PRKAR1B: variants seen among roughly 807,000 people sequenced by gnomAD.
PRKAR1B encodes protein kinase cAMP-dependent type I regulatory subunit beta, also known as cAMP-dependent protein kinase type I-beta regulatory subunit.
A neutral mutation model predicts 46.5 loss-of-function variants in PRKAR1B; 22 were observed. That is an observed-to-expected ratio of 0.47 (90% confidence interval 0.34 to 0.68). The LOEUF (loss-of-function observed/expected upper bound fraction) is 0.68, where lower values mean the gene tolerates loss of function less well. Among genes scored for constraint, PRKAR1B ranks in the 30% least tolerant of loss-of-function variants. The probability of loss-of-function intolerance (pLI) is 0.01; values close to 1 mark genes in which losing one functional copy is unlikely to be tolerated. For synonymous variants in PRKAR1B, 259 were observed against 217.7 expected, an observed-to-expected ratio of 1.19 and a Z score of -1.67; for missense variants, 445 against 535.6, an observed-to-expected ratio of 0.83 and a Z score of 1.67.
chr7:719,139 A>G (rs982928414), intron 1 of PRKAR1B, among the ~76,000 whole-genome samples: 3 of 152,116 alleles, frequency 2.0e-5, no homozygotes, highest in African/African-American at 7.2e-5. Flanking sequence ...TCCCAGGCTT[A>G]AGCAATTCTC....
In PRKAR1B at chr7:666,119, C is replaced by T. The variant is rs941146562; in HGVS notation, c.440+11110G>A. On this transcript the variant is annotated intron_variant, in intron 4 of 10. Coordinates refer to ENST00000537384, the MANE Select transcript of PRKAR1B (RefSeq NM_001164760.2). The surrounding 1 kb of genome is among the most constrained non-coding windows in gnomAD (Gnocchi z 4.9). ...CCCAATTATCACGTTTCTCGGCTCC[C>T]AGGAGCTCAGCGATGCTCCCCCTAC... Among the ~76,000 whole-genome samples the T allele has an allele frequency of 6.6e-6, 1 of 152,204 alleles. No homozygotes were observed. Among genetic ancestry groups the T allele is most frequent in the Non-Finnish European group, 1.5e-5 (1 of 68,022 alleles).
chr7:723,292 T>C (rs1781136446), intron 1 of PRKAR1B, among the ~76,000 whole-genome samples: 1 of 152,206 alleles, frequency 6.6e-6, no homozygotes, highest in African/African-American at 2.4e-5. Flanking sequence ...TAGGTCTCTG[T>C]TGGGCGTCCC....
At chr7:659,628 G>A (rs935918700) in intron 4 of PRKAR1B, among the ~76,000 whole-genome samples, 6 of 152,178 alleles carry the variant, frequency 3.9e-5, no homozygotes, top group African/African-American at 9.7e-5. Context: ...ACCCCAGGCC[G>A]CGACCATGGA....
At chr7:665,392 G>A (rs1046052400) in intron 4 of PRKAR1B, among the ~76,000 whole-genome samples, 2 of 152,138 alleles carry the variant, frequency 1.3e-5, no homozygotes, top group African/African-American at 4.8e-5. Flanking sequence ...CAGCCTCGGG[G>A]GCCACGGGGG....
intron 3 of PRKAR1B, among the ~76,000 whole-genome samples, chr7:679,931 G>A (rs958120098): frequency 6.6e-6 from 1 of 152,010 alleles, no homozygotes; most frequent in African/African-American, 2.4e-5. Flanking sequence ...GGCCAAGACG[G>A]GCATATCACA....
At chr7:645,306 G>A (rs1784569752) in intron 4 of PRKAR1B, among the ~76,000 whole-genome samples, 1 of 152,162 alleles carries the variant, frequency 6.6e-6, no homozygotes. Flanking sequence ...GAGCCAGGCT[G>A]CAATGCTTCT....
intron 8 of PRKAR1B, among the ~76,000 whole-genome samples, chr7:582,257 G>A (rs1423097871): frequency 6.6e-6 from 1 of 152,230 alleles, no homozygotes; most frequent in Non-Finnish European, 1.5e-5. Context: ...CCTGTCCTAG[G>A]GGCCGAGCCC....
chr7:558,612 C>T (rs1778596141), intron 9 of PRKAR1B, among the ~76,000 whole-genome samples: 1 of 151,748 alleles, frequency 6.6e-6, no homozygotes, highest in Non-Finnish European at 1.5e-5. Flanking sequence ...AAAAATTAGC[C>T]AGGCGTGGTG....
At chr7:609,672 T>G (rs1562560592) in intron 4 of PRKAR1B, among the ~76,000 whole-genome samples, 2 of 152,256 alleles carry the variant, frequency 1.3e-5, no homozygotes, top group South Asian at 2.1e-4. Context: ...TGACCCATAT[T>G]TTCTGAAATG....
At chr7:613,674 A>T (rs1782649460) in intron 4 of PRKAR1B, among the ~76,000 whole-genome samples, 1 of 152,070 alleles carries the variant, frequency 6.6e-6, no homozygotes, top group Non-Finnish European at 1.5e-5. Context: ...TCCCACTACG[A>T]GGGCCCACCG....
At chr7:575,690 C>G (rs550254066) in intron 9 of PRKAR1B, among the ~76,000 whole-genome samples, 1 of 152,100 alleles carries the variant, frequency 6.6e-6, no homozygotes, top group African/African-American at 2.4e-5. Flanking sequence ...GGACTACAGG[C>G]GTGCACCACC....
intron 4 of PRKAR1B, among the ~76,000 whole-genome samples, chr7:663,027 C>G (rs1028766893): frequency 8.5e-5 from 13 of 152,088 alleles, no homozygotes; most frequent in Admixed American, 8.5e-4. Context: ...TGAAAGAGGC[C>G]CCAAGACACT....
At chr7:681,752 C>T (rs1026659655) in intron 2 of PRKAR1B, among the ~76,000 whole-genome samples, 12 of 152,328 alleles carry the variant, frequency 7.9e-5, no homozygotes, top group Admixed American at 5.2e-4. Flanking sequence ...ACAAGTGCTT[C>T]GACCACTGTC....
At chr7:679,866 G>A (rs1232051132) in intron 3 of PRKAR1B, among the ~76,000 whole-genome samples, 1 of 152,106 alleles carries the variant, frequency 6.6e-6, no homozygotes, top group Admixed American at 6.5e-5. Context: ...TGTATAAGAA[G>A]AGACCAGAGA....
At position 590,442 on chromosome 7, in the gene PRKAR1B, G is replaced by A. The variant is rs1260718459; in HGVS notation, c.708+5704C>T. 2.0e-5 allele frequency among the ~76,000 whole-genome samples: 3 copies of A among 152,216 alleles called. 1 individual carries two copies. The highest frequency in any genetic ancestry group is 1.5e-5 in the Non-Finnish European group (1 of 68,030). On this transcript the variant is annotated intron_variant, in intron 7 of 10. Transcript: ENST00000537384. Reference sequence around the variant, plus strand: ...CCAACGTGTGGCCCTCGCGTGCCCAGTCCAGGGGACCAAGAGACCAGCAGG... The same window carrying A: ...CCAACGTGTGGCCCTCGCGTGCCCAATCCAGGGGACCAAGAGACCAGCAGG...
intron 9 of PRKAR1B, among the ~76,000 whole-genome samples, chr7:566,424 C>T (rs1779145154): frequency 6.6e-6 from 1 of 151,838 alleles, no homozygotes; most frequent in African/African-American, 2.4e-5. Context: ...TTATCACCAT[C>T]ACCACCATCA....
chr7:726,047 G>A (rs1432675717), intron 1 of PRKAR1B, among the ~76,000 whole-genome samples: 2 of 151,888 alleles, frequency 1.3e-5, no homozygotes, highest in African/African-American at 4.8e-5. Context: ...GAGCAATAAA[G>A]CTCCAGTGTC....
At chr7:592,573 G>A (rs1781041783) in intron 7 of PRKAR1B, among the ~76,000 whole-genome samples, 1 of 152,240 alleles carries the variant, frequency 6.6e-6, no homozygotes, top group Non-Finnish European at 1.5e-5. Flanking sequence ...CTGAGGGGCG[G>A]GGAGGGTCCA....
intron 7 of PRKAR1B, among the ~76,000 whole-genome samples, chr7:592,226 G>A (rs1021628183): frequency 6.6e-6 from 1 of 152,216 alleles, no homozygotes; most frequent in African/African-American, 2.4e-5. Context: ...GGGTGCACAC[G>A]GGCCCTCCCG....
Sources: allele counts gnomAD v4.1 joint callset (sites outside exome capture counted in the v4.1 genomes callset), GRCh38; gene constraint gnomAD v4.1.1; non-coding constraint Gnocchi (gnomAD v3.1); transcripts MANE v1.5; gene names NCBI Gene and HGNC (gene_info 2026-07-23, HGNC 2026-07-21).